PDE4D: variants seen among roughly 807,000 people sequenced by gnomAD.
PDE4D encodes 3',5'-cyclic-AMP phosphodiesterase 4D.
In PDE4D, 24 loss-of-function variants were observed where a neutral mutation model predicts 87.4. That is an observed-to-expected ratio of 0.27 (90% confidence interval 0.20 to 0.39). PDE4D has a LOEUF of 0.39. Ranked by LOEUF, PDE4D falls within the 10% of genes least tolerant of loss-of-function variation. PDE4D has a pLI of 1.00. For synonymous variants in PDE4D, 384 were observed against 383.2 expected (o/e 1.00, Z -0.02); for missense variants, 714 against 1,041.0 (o/e 0.69, Z 4.32).
intron 1 of PDE4D, among the ~76,000 whole-genome samples, chr5:59,377,321 G>A (rs1447068375): frequency 6.6e-6 from 1 of 151,948 alleles, no homozygotes; most frequent in African/African-American, 2.4e-5. Flanking sequence ...GGAGACTGAG[G>A]TAGGAGAACG....
intron 1 of PDE4D, among the ~76,000 whole-genome samples, chr5:59,348,546 T>G (rs528259039): frequency 6.6e-6 from 1 of 152,222 alleles, no homozygotes; most frequent in South Asian, 2.1e-4. Flanking sequence ...GTCATAACAA[T>G]TTTAGGGTTT....
chr5:60,291,354 G>A (rs944763249), intron 1 of PDE4D, among the ~76,000 whole-genome samples: 4 of 152,078 alleles, frequency 2.6e-5, no homozygotes, highest in African/African-American at 9.7e-5. Context: ...TAATAAAAGT[G>A]TAAGATTCCA....
chr5:59,037,805 G>C (rs1442073432), intron 6 of PDE4D, among the ~76,000 whole-genome samples: 2 of 150,552 alleles, frequency 1.3e-5, no homozygotes, highest in African/African-American at 4.9e-5. Context: ...AACTGCATGA[G>C]AACAGGTGGG....
At chr5:60,017,158 C>A (rs1355016219) in intron 2 of PDE4D, among the ~76,000 whole-genome samples, 1 of 152,170 alleles carries the variant, frequency 6.6e-6, no homozygotes, top group Non-Finnish European at 1.5e-5. Context: ...TGAAATAAAT[C>A]TCTTTTTCCT....
chr5:60,345,227 A>G (rs979228510), intron 1 of PDE4D, among the ~76,000 whole-genome samples: 6 of 151,950 alleles, frequency 3.9e-5, no homozygotes, highest in Non-Finnish European at 7.4e-5. Flanking sequence ...ATTCTCACTC[A>G]TAGGTGGGAA....
intron 1 of PDE4D, chr5:59,216,835 T>C (rs1751362967): frequency 5.9e-6 from 1 of 168,826 alleles, no homozygotes; most frequent in Admixed American, 5.9e-5. Flanking sequence ...GCTACCCTGG[T>C]ACATCAGAGC....
chr5:59,413,191 C>T (rs58256775), intron 1 of PDE4D, among the ~76,000 whole-genome samples: 1 of 152,078 alleles, frequency 6.6e-6, no homozygotes, highest in African/African-American at 2.4e-5. Context: ...GGCGCGGTGG[C>T]TCACGCCTGT....
intron 2 of PDE4D, among the ~76,000 whole-genome samples, chr5:60,017,478 T>G (rs1424594018): frequency 1.3e-5 from 2 of 152,122 alleles, no homozygotes; most frequent in Non-Finnish European, 2.9e-5. Flanking sequence ...CCCCAGTGTG[T>G]GTTGTTCCCC....
chr5:59,267,610 T>C (rs1000825925), intron 1 of PDE4D, among the ~76,000 whole-genome samples: 15 of 152,136 alleles, frequency 9.9e-5, no homozygotes, highest in African/African-American at 3.4e-4. Context: ...CTAGCAGTTT[T>C]CAAAGGCCAT....
chr5:60,406,495 C>T (rs577015711), intron 1 of PDE4D, among the ~76,000 whole-genome samples: 6 of 152,128 alleles, frequency 3.9e-5, no homozygotes, highest in Non-Finnish European at 8.8e-5. Context: ...ATACTGTCTA[C>T]TCTGATGGCA....
chr5:59,675,089 C>A (rs1171458674), intron 1 of PDE4D, among the ~76,000 whole-genome samples: 1 of 152,166 alleles, frequency 6.6e-6, no homozygotes, highest in Non-Finnish European at 1.5e-5. Context: ...ATAACCCATT[C>A]CTCAAGTAAA....
At chr5:60,100,045 T>G (rs547638875) in intron 2 of PDE4D, among the ~76,000 whole-genome samples, 1 of 151,930 alleles carries the variant, frequency 6.6e-6, no homozygotes. Context: ...TATTTCCACA[T>G]AGTGGAATAT....
chr5:59,722,856 T>C (rs1414024843), intron 1 of PDE4D, among the ~76,000 whole-genome samples: 9 of 152,146 alleles, frequency 5.9e-5, no homozygotes, highest in African/African-American at 2.2e-4. Context: ...TGAAGGTGCA[T>C]AGTAGGAATT....
chr5:59,163,441 T>C (rs981627109), intron 5 of PDE4D, among the ~76,000 whole-genome samples: 1 of 152,066 alleles, frequency 6.6e-6, no homozygotes, highest in Non-Finnish European at 1.5e-5. Context: ...CTGGCTAATT[T>C]TGTATTTTTA....
intron 1 of PDE4D, among the ~76,000 whole-genome samples, chr5:59,792,439 T>TGTGTGTGTGTGTGTGTGTGTGTG (rs1561669604): frequency 4.0e-5 from 6 of 150,276 alleles, no homozygotes; most frequent in African/African-American, 1.5e-4. Flanking sequence ...TGTGTGTGTG[T>TGTGTGTGTGTGTGTGTGTGTGTG]TTTGAGGAAG....
chr5:59,425,052 C>T (rs937442178), intron 1 of PDE4D, among the ~76,000 whole-genome samples: 12 of 152,068 alleles, frequency 7.9e-5, no homozygotes, highest in African/African-American at 2.9e-4. Flanking sequence ...AGTAGTCTCC[C>T]TACTGAAAGA....
intron 1 of PDE4D, among the ~76,000 whole-genome samples, chr5:59,490,923 A>G (rs1211214525): frequency 6.6e-6 from 1 of 152,200 alleles, no homozygotes; most frequent in Non-Finnish European, 1.5e-5. Context: ...TAGTGGAGGG[A>G]AAGAACATGA....
At chr5:60,233,432 T>C (rs1344389373) in intron 1 of PDE4D, among the ~76,000 whole-genome samples, 1 of 151,810 alleles carries the variant, frequency 6.6e-6, no homozygotes, top group East Asian at 1.9e-4. Context: ...TAATTTAAGA[T>C]TTCATGGAAA....
intron 1 of PDE4D, among the ~76,000 whole-genome samples, chr5:60,363,641 T>C (rs2149962337): frequency 6.6e-6 from 1 of 151,916 alleles, no homozygotes; most frequent in Admixed American, 6.5e-5. Context: ...TAAAACAGAG[T>C]GATGGGATAC....
Sources: gnomAD v4.1 joint callset for allele counts (sites outside exome capture counted in the v4.1 genomes callset) on GRCh38, gnomAD v4.1.1 for gene constraint, MANE v1.5 for transcripts, NCBI Gene and HGNC (gene_info 2026-07-23, HGNC 2026-07-21) for gene names.